RWDD2A: variants seen among roughly 807,000 people sequenced by gnomAD.
RWDD2A encodes RWD domain containing 2A.
RWDD2A carries 15 observed loss-of-function variants against 23.1 expected under a neutral mutation model. The ratio of observed to expected loss-of-function variants is 0.65; its 90% CI spans 0.43 to 1.00. The LOEUF is 1.00. Ranked by LOEUF, RWDD2A falls within the 50% of genes least tolerant of loss-of-function variation. RWDD2A has a pLI of 0.00. For synonymous variants in RWDD2A, 103 were observed against 123.0 expected (o/e 0.84, Z 1.08); for missense variants, 310 against 341.7 (o/e 0.91, Z 0.73).
At position 83,196,446 on chromosome 6, in the gene RWDD2A, A is replaced by G. The variant is rs575943642; in HGVS notation, c.*174A>G. The G allele has an allele frequency of 1.9e-5, 8 of 418,782 alleles. 1 individual carries two copies. The Admixed American group carries it at 2.5e-4, about 13-fold the overall frequency. 25.9% of individuals were successfully genotyped at this position (418,782 alleles called of 1,614,324 possible). A position where few individuals can be genotyped will look rare whatever the true frequency, so the allele number is the denominator to read the frequency against. ...TGAAATGAATAGGCCTTTAAACTTT[A>G]TAACATTGCAATTGTGATGTTATCT... On this transcript the variant is annotated 3_prime_UTR_variant, in exon 3 of 3. Coordinates refer to ENST00000369724, the MANE Select transcript of RWDD2A (RefSeq NM_033411.5).
rs1416970639 is a variant in RWDD2A at position 83,196,011 on chromosome 6, G to A, written c.618G>A (p.Glu206=). Residue 206 remains glutamate (E), a synonymous_variant, in exon 3 of 3, where the codon GAG becomes GAA. Transcript: ENST00000369724. ...AGGGTTTCAAAGAGCACTGTGAGGAGTTCTGGCACACAATTAGGTACCCCA... is the reference window on the plus strand; with the variant it reads ...AGGGTTTCAAAGAGCACTGTGAGGAATTCTGGCACACAATTAGGTACCCCA... ...CVEGFKEHCE[E]FWHTIRYPNW... 5 of 1,614,100 alleles carry A rather than the reference G, an allele frequency of 3.1e-6. No homozygotes were observed. In the Admixed American group the frequency reaches 8.3e-5, roughly 27 times the overall value.
At position 83,194,556 on chromosome 6, in the gene RWDD2A, T is replaced by C; in HGVS notation, c.105T>C (p.Asn35=). The change falls in exon 2 of 3, where the codon AAT becomes AAC. Residue 35 remains asparagine, a synonymous_variant. Transcript: ENST00000369724. ...GAGAAGTAAAACTTGAAGATGTAAATGCCCTGACGAATATAAAGAGGTATT... is the reference window on the plus strand; with the variant it reads ...GAGAAGTAAAACTTGAAGATGTAAACGCCCTGACGAATATAAAGAGGTATT... ...NQGEVKLEDV[N]ALTNIKRYLE... 6.2e-7 allele frequency: 1 copy of C among 1,614,098 alleles called. No homozygotes were observed. Among genetic ancestry groups the C allele is most frequent in the South Asian group, 1.1e-5 (1 of 91,084 alleles).
rs1789564046 is a variant in RWDD2A at position 83,195,814 on chromosome 6, G to A, written c.421G>A (p.Val141Ile). 2 of 1,613,856 alleles carry A rather than the reference G, an allele frequency of 1.2e-6. No individual in the cohort carries two copies. Among genetic ancestry groups the A allele is most frequent in the Admixed American group, 3.3e-5 (2 of 59,974 alleles). The change falls in exon 3 of 3, where the codon GTA becomes ATA. Residue 141 changes from valine to isoleucine, a missense_variant. Transcript: ENST00000369724. ...ATCTTATTTCCTGAACAGAAAGCTT[G>A]TATATGAACCATCTACACAAGCAAA... is the stretch of plus-strand genomic sequence containing the variant. ...SASYFLNRKL[V>I]YEPSTQAKPV...
chr6:83,193,661 G>A (rs1379111790), intron 1 of RWDD2A, among the ~76,000 whole-genome samples: 1 of 152,192 alleles, frequency 6.6e-6, no homozygotes, highest in Non-Finnish European at 1.5e-5. Flanking sequence ...CTCGCCCACA[G>A]TGAGCGCCGC....
rs1789647560 is a variant in RWDD2A, at chr6:83,197,737, TTTA to T, written c.*1466_*1468del. On this transcript the variant is annotated 3_prime_UTR_variant, in exon 3 of 3. Coordinates refer to ENST00000369724, the MANE Select transcript of RWDD2A (RefSeq NM_033411.5). ...ACTTCTGATGAAACTACCATCTGGT[TTTA>T]CCCTCTGTGCCGTGGATGCAGACGT... 1 of 152,434 alleles carries T rather than the reference TTTA, an allele frequency of 6.6e-6. No homozygotes were observed. The highest frequency in any genetic ancestry group is 1.9e-4 in the East Asian group (1 of 5,172). 9.4% of individuals were successfully genotyped at this position (152,434 alleles called of 1,614,324 possible). A position where few individuals can be genotyped will look rare whatever the true frequency, so the allele number is the denominator to read the frequency against.
chr6:83,195,519 A>G (rs1583313542), intron 2 of RWDD2A, 76 bp from the exon 3 acceptor site: 6 of 1,231,634 alleles, frequency 4.9e-6, no homozygotes, highest in Middle Eastern at 2.0e-4. Flanking sequence ...ACATTTCTCA[A>G]AATCATGCAG....
Position 83,198,885 on chromosome 6 carries a change from TAC to T in RWDD2A, c.*2615_*2616del, listed in dbSNP as rs1789693389. 6.6e-6 allele frequency: 1 copy of T among 152,242 alleles called. No homozygotes were observed. Among genetic ancestry groups the T allele is most frequent in the South Asian group, 2.1e-4 (1 of 4,834 alleles). 9.4% of individuals were successfully genotyped at this position (152,242 alleles called of 1,614,324 possible). A position where few individuals can be genotyped will look rare whatever the true frequency, so the allele number is the denominator to read the frequency against. On this transcript the variant is annotated 3_prime_UTR_variant, in exon 3 of 3. Coordinates refer to ENST00000369724, the MANE Select transcript of RWDD2A (RefSeq NM_033411.5). Reference sequence around the variant, plus strand: ...GGAAAATGTGCTCATTTATAAAAGTTACAGTGTCTTTTTAAAGTTTGCTGAAG... The same window carrying T: ...GGAAAATGTGCTCATTTATAAAAGTTAGTGTCTTTTTAAAGTTTGCTGAAG...
chr6:83,197,664 A>G lies in RWDD2A; in HGVS notation c.*1392A>G, dbSNP rs1789645131. On this transcript the variant is annotated 3_prime_UTR_variant, in exon 3 of 3. Coordinates refer to ENST00000369724, the MANE Select transcript of RWDD2A (RefSeq NM_033411.5). ...GCTTGGTGCTGGGATTTAGGAACACATCCTGTTAGATGTCAGACAGTGCTG... is the reference window on the plus strand; with the variant it reads ...GCTTGGTGCTGGGATTTAGGAACACGTCCTGTTAGATGTCAGACAGTGCTG... The G allele has an allele frequency of 6.6e-6, 1 of 152,288 alleles. No homozygotes were observed. The highest frequency in any genetic ancestry group is 2.4e-5 in the African/African-American group (1 of 41,440). 9.4% of individuals were successfully genotyped at this position (152,288 alleles called of 1,614,324 possible). A position where few individuals can be genotyped will look rare whatever the true frequency, so the allele number is the denominator to read the frequency against.
At position 83,196,381 on chromosome 6, in the gene RWDD2A, G is replaced by A. The variant is rs1005502088; in HGVS notation, c.*109G>A. ...TGTAGCATCCTCAGTGCAAAACCCA[G>A]CTCCAGAATTTTCACCTGGTAACGA... On this transcript the variant is annotated 3_prime_UTR_variant, in exon 3 of 3. Transcript: ENST00000369724. 1.5e-4 allele frequency: 128 copies of A among 838,250 alleles called. 1 individual carries two copies. The highest frequency in any genetic ancestry group is 2.0e-4 in the Non-Finnish European group (116 of 583,670). The allele number at this position is 838,250 out of a possible 1,614,324, so 51.9% of individuals were successfully genotyped here. A position where few individuals can be genotyped will look rare whatever the true frequency, so the allele number is the denominator to read the frequency against.
At position 83,194,491 on chromosome 6, in the gene RWDD2A, C is replaced by A. The variant is rs769529498; in HGVS notation, c.40C>A (p.Leu14Met). Residue 14 changes from leucine (L) to methionine (M), a missense_variant, in exon 2 of 3, where the codon CTG (leucine) becomes ATG (methionine). Leu to Met is a conservative substitution (Grantham distance 15). Coordinates refer to ENST00000369724, the MANE Select transcript of RWDD2A (RefSeq NM_033411.5). Reference sequence around the variant, plus strand: ...GAAAGAAAGCCTTCAGCTTCAGCTACTGGAGATGGAAATGCTGTTTTCTAT... The same window carrying A: ...GAAAGAAAGCCTTCAGCTTCAGCTAATGGAGATGGAAATGCTGTTTTCTAT... ...SVKESLQLQLLEMEMLFSMFP... is the reference protein window; with the variant it reads ...SVKESLQLQLMEMEMLFSMFP... 1.2e-6 allele frequency: 2 copies of A among 1,614,008 alleles called. No homozygotes were observed. The highest frequency in any genetic ancestry group is 1.7e-6 in the Non-Finnish European group (2 of 1,180,014).
At chr6:83,194,177 G>T (rs181899726) in intron 1 of RWDD2A, 135 bp from the exon 2 acceptor site, 2 of 364,204 alleles carry the variant, frequency 5.5e-6, no homozygotes, top group Admixed American at 4.3e-5. Context: ...CTAGTGCGGG[G>T]TGCGGGAGGC....
In RWDD2A at chr6:83,193,416, G is replaced by A. The variant is rs1202965231; in HGVS notation, c.-168G>A. 1.3e-5 allele frequency: 2 copies of A among 152,282 alleles called. No individual in the cohort carries two copies. The highest frequency in any genetic ancestry group is 2.9e-5 in the Non-Finnish European group (2 of 68,078). 9.4% of individuals were successfully genotyped at this position (152,282 alleles called of 1,614,324 possible). On this transcript the variant is annotated 5_prime_UTR_variant, in exon 1 of 3. Coordinates refer to ENST00000369724, the MANE Select transcript of RWDD2A (RefSeq NM_033411.5). Reference sequence around the variant, plus strand: ...GGCTGCGGTTCCGAGCGGGGTCTGGGGCTGTTACCATTGAGTGACCAGAAA... The same window carrying A: ...GGCTGCGGTTCCGAGCGGGGTCTGGAGCTGTTACCATTGAGTGACCAGAAA...
chr6:83,194,168 T>TAGTGCGG (rs1458766838), intron 1 of RWDD2A, 144 bp from the exon 2 acceptor site: 5 of 344,908 alleles, frequency 1.4e-5, no homozygotes, highest in Non-Finnish European at 2.7e-5. Context: ...TTCCCCTATC[T>TAGTGCGG]AGTGCGGGGT....
intron 2 of RWDD2A, among the ~76,000 whole-genome samples, chr6:83,195,319 T>G (rs1789528731): frequency 6.6e-6 from 1 of 152,252 alleles, no homozygotes; most frequent in African/African-American, 2.4e-5. Flanking sequence ...ATGTAATTAT[T>G]TGTTTAATGT....
rs1396062925 is a variant in RWDD2A at position 83,197,928 on chromosome 6, C to A, written c.*1656C>A. 6.6e-6 allele frequency: 1 copy of A among 152,294 alleles called. No individual in the cohort carries two copies. Among genetic ancestry groups the A allele is most frequent in the East Asian group, 1.9e-4 (1 of 5,182 alleles). The allele number at this position is 152,294 out of a possible 1,614,324, so 9.4% of individuals were successfully genotyped here. On this transcript the variant is annotated 3_prime_UTR_variant, in exon 3 of 3. Coordinates refer to ENST00000369724, the MANE Select transcript of RWDD2A (RefSeq NM_033411.5). Reference sequence around the variant, plus strand: ...ACCCATGGCTCGCTGTAGGCCTGCCCCGCCAGGTCCTCCAGCTTGCCATTC... The same window carrying A: ...ACCCATGGCTCGCTGTAGGCCTGCCACGCCAGGTCCTCCAGCTTGCCATTC...
chr6:83,197,297 G>A lies in RWDD2A; in HGVS notation c.*1025G>A, dbSNP rs1789625913. On this transcript the variant is annotated 3_prime_UTR_variant, in exon 3 of 3. Coordinates refer to ENST00000369724, the MANE Select transcript of RWDD2A (RefSeq NM_033411.5). ...GGGCAAGAGACTGTTGAGGGGACCA[G>A]TGTGGATATCTGCATCATTACCTTA... 1 of 152,146 alleles carries A rather than the reference G, an allele frequency of 6.6e-6. No homozygotes were observed. The highest frequency in any genetic ancestry group is 2.1e-4 in the South Asian group (1 of 4,826). 9.4% of individuals were successfully genotyped at this position (152,146 alleles called of 1,614,324 possible). A position where few individuals can be genotyped will look rare whatever the true frequency, so the allele number is the denominator to read the frequency against.
rs1488446583 is a variant in RWDD2A at position 83,198,857 on chromosome 6, T to C, written c.*2585T>C. 6.6e-6 allele frequency: 1 copy of C among 152,240 alleles called. No homozygotes were observed. The highest frequency in any genetic ancestry group is 1.5e-5 in the Non-Finnish European group (1 of 68,052). The allele number at this position is 152,240 out of a possible 1,614,324, so 9.4% of individuals were successfully genotyped here. A position where few individuals can be genotyped will look rare whatever the true frequency, so the allele number is the denominator to read the frequency against. ...TGTTTATTATATTCTTAAATGGTTA[T>C]TTGGAAAATGTGCTCATTTATAAAA... On this transcript the variant is annotated 3_prime_UTR_variant, in exon 3 of 3. Coordinates refer to ENST00000369724, the MANE Select transcript of RWDD2A (RefSeq NM_033411.5).
Position 83,197,841 on chromosome 6 carries a change from G to C in RWDD2A, c.*1569G>C, listed in dbSNP as rs866706530. ...GAGGTGTTAGAACTGGGTCCACTTT[G>C]TACTGCCTCTTTCTTCTTAGGTCAC... On this transcript the variant is annotated 3_prime_UTR_variant, in exon 3 of 3. Coordinates refer to ENST00000369724, the MANE Select transcript of RWDD2A (RefSeq NM_033411.5). 2 of 152,402 alleles carry C rather than the reference G, an allele frequency of 1.3e-5. No homozygotes were observed. Among genetic ancestry groups the C allele is most frequent in the Middle Eastern group, 6.8e-3 (2 of 296 alleles). 9.4% of individuals were successfully genotyped at this position (152,402 alleles called of 1,614,324 possible). A position where few individuals can be genotyped will look rare whatever the true frequency, so the allele number is the denominator to read the frequency against.
chr6:83,198,719 C>T lies in RWDD2A; in HGVS notation c.*2447C>T, dbSNP rs1789688148. ...CTCTAGTGCCACCCTCATTTCTGAC[C>T]TACTGAATGCTCAGCTGTTTGGCAT... On this transcript the variant is annotated 3_prime_UTR_variant, in exon 3 of 3. Coordinates refer to ENST00000369724, the MANE Select transcript of RWDD2A (RefSeq NM_033411.5). 6.6e-6 allele frequency: 1 copy of T among 152,180 alleles called. No homozygotes were observed. The highest frequency in any genetic ancestry group is 6.5e-5 in the Admixed American group (1 of 15,272). 9.4% of individuals were successfully genotyped at this position (152,180 alleles called of 1,614,324 possible). A position where few individuals can be genotyped will look rare whatever the true frequency, so the allele number is the denominator to read the frequency against.
Sources: gnomAD v4.1 joint callset for allele counts (sites outside exome capture counted in the v4.1 genomes callset) on GRCh38, gnomAD v4.1.1 for gene constraint, MANE v1.5 for transcripts, NCBI Gene and HGNC (gene_info 2026-07-23, HGNC 2026-07-21) for gene names.